Variants in ARID4B observed in about 807,000 individuals in gnomAD.
The protein encoded by ARID4B is AT-rich interactive domain-containing protein 4B.
In ARID4B, 26 loss-of-function variants were observed where a neutral mutation model predicts 147.5. The ratio of observed to expected loss-of-function variants is 0.18; its 90% CI spans 0.13 to 0.24. The LOEUF is 0.24. Ranked by LOEUF, ARID4B falls within the 10% of genes least tolerant of loss-of-function variation. The pLI, the probability that ARID4B is intolerant of heterozygous loss-of-function variation, is 1.00. For synonymous variants in ARID4B, 512 were observed against 507.9 expected (o/e 1.01, Z -0.11); for missense variants, 1,179 against 1,511.5 (o/e 0.78, Z 3.65).
In ARID4B at chr1:235,267,859, G is replaced by T. The variant is rs369881693; in HGVS notation, c.7-7107C>A. Among the ~76,000 whole-genome samples the T allele has an allele frequency of 1.4e-4, 21 of 151,756 alleles. No individual in the cohort carries two copies. The East Asian group carries it at 3.3e-3, about 24-fold the overall frequency. ...GCGGAGCTTGCAGTGAGCCGAGATCGAGTCACTGCACTCCAACCTGAGTGA... is the reference window on the plus strand; with the variant it reads ...GCGGAGCTTGCAGTGAGCCGAGATCTAGTCACTGCACTCCAACCTGAGTGA... On this transcript the variant is annotated intron_variant, in intron 2 of 23. Coordinates refer to ENST00000264183, the MANE Select transcript of ARID4B (RefSeq NM_016374.6).
intron 17 of ARID4B, among the ~76,000 whole-genome samples, chr1:235,213,527 G>C (rs1290554362): frequency 6.6e-6 from 1 of 152,142 alleles, no homozygotes; most frequent in Non-Finnish European, 1.5e-5. Context: ...TCTACATGTA[G>C]TACATAAAAA....
intron 6 of ARID4B, among the ~76,000 whole-genome samples, chr1:235,249,799 G>A (rs928687702): frequency 3.9e-5 from 6 of 152,034 alleles, no homozygotes; most frequent in Non-Finnish European, 8.8e-5. Flanking sequence ...AATTAGCTGG[G>A]CGTGGTGGCA....
intron 19 of ARID4B, among the ~76,000 whole-genome samples, chr1:235,187,812 G>C (rs560519500): frequency 6.6e-6 from 1 of 152,058 alleles, no homozygotes; most frequent in South Asian, 2.1e-4. Context: ...AAAATTCACT[G>C]AAAAAAGAAA....
intron 22 of ARID4B, among the ~76,000 whole-genome samples, chr1:235,173,801 T>TATATATATAG (rs1663627294): frequency 1.3e-5 from 1 of 75,826 alleles, no homozygotes; most frequent in Non-Finnish European, 2.5e-5. Flanking sequence ...TATATATATA[T>TATATATATAG]ATATATATAT....
chr1:235,234,373 T>C, intron 9 of ARID4B, 40 bp downstream of exon 9: 2 of 1,317,660 alleles, frequency 1.5e-6, no homozygotes, highest in Non-Finnish European at 2.2e-6. Context: ...ACAGCATATA[T>C]TTATAAACTG....
At chr1:235,248,176 C>T (rs954059514) in intron 6 of ARID4B, among the ~76,000 whole-genome samples, 36 of 152,044 alleles carry the variant, frequency 2.4e-4, no homozygotes, top group African/African-American at 8.5e-4. Context: ...CTCAGCCTCC[C>T]AAGTAGCTAG....
intron 19 of ARID4B, among the ~76,000 whole-genome samples, chr1:235,191,681 G>GTA (rs1665124513): frequency 6.6e-6 from 1 of 152,174 alleles, no homozygotes; most frequent in Non-Finnish European, 1.5e-5. Context: ...TGAAATCAGA[G>GTA]TATGACTTAG....
At chr1:235,202,019 C>A (rs919083205) in intron 17 of ARID4B, among the ~76,000 whole-genome samples, 1 of 150,086 alleles carries the variant, frequency 6.7e-6, no homozygotes, top group Non-Finnish European at 1.5e-5. Flanking sequence ...ATAATATATA[C>A]ATATATATAC....
intron 2 of ARID4B, among the ~76,000 whole-genome samples, chr1:235,286,590 G>A (rs1671990322): frequency 6.6e-6 from 1 of 152,190 alleles, no homozygotes; most frequent in Non-Finnish European, 1.5e-5. Flanking sequence ...ATTCTGATGG[G>A]TTGAAATGAG....
chr1:235,236,862 ATTTTT>A (rs869157061), intron 8 of ARID4B, among the ~76,000 whole-genome samples: 143 of 17,426 alleles, frequency 8.2e-3, no homozygotes, highest in African/African-American at 0.024. Context: ...ATATATATAT[ATTTTT>A]TTTTTTTTTT....
intron 2 of ARID4B, among the ~76,000 whole-genome samples, chr1:235,277,029 C>T (rs892143793): frequency 1.3e-5 from 2 of 150,268 alleles, no homozygotes; most frequent in Non-Finnish European, 3.0e-5. Context: ...TATGTTCTGG[C>T]AATATGCTTT....
At position 235,196,087 on chromosome 1, in the gene ARID4B, T is replaced by A; in HGVS notation, c.1870A>T (p.Ile624Leu). 3 of 1,591,712 alleles carry A rather than the reference T, an allele frequency of 1.9e-6. No individual in the cohort carries two copies. The highest frequency in any genetic ancestry group is 2.6e-6 in the Non-Finnish European group (3 of 1,166,478). Reference sequence around the variant, plus strand: ...ACATTTTTATCAGCAGGTCTTACTATTTTATCTGCTTTAATCCATTCATCG... The same window carrying A: ...ACATTTTTATCAGCAGGTCTTACTAATTTATCTGCTTTAATCCATTCATCG... Reference protein sequence around the residue: ...RYDEWIKADKIVRPADKNVPK... With the variant: ...RYDEWIKADKLVRPADKNVPK... The change falls in exon 18 of 24, where the codon ATA (isoleucine) becomes TTA (leucine). Residue 624 changes from isoleucine to leucine, a missense_variant. By Grantham distance (5) the Ile-to-Leu change is conservative (BLOSUM62 2). This residue lies in a region of ARID4B where 28 missense variants were observed against 67.6 expected (regional missense o/e 0.41). Transcript: ENST00000264183.
intron 14 of ARID4B, among the ~76,000 whole-genome samples, chr1:235,221,043 G>A (rs543141775): frequency 9.2e-5 from 14 of 152,212 alleles, no homozygotes; most frequent in African/African-American, 2.6e-4. Context: ...GACTACAGGC[G>A]TTAGCCACTA....
chr1:235,255,570 G>C (rs1669932901), intron 5 of ARID4B, 90 bp downstream of exon 5: 1 of 784,392 alleles, frequency 1.3e-6, no homozygotes, highest in East Asian at 2.8e-5. Flanking sequence ...AGGGTATTAA[G>C]AAGTGAATCC....
Position 235,319,839 on chromosome 1 carries a change from A to C in ARID4B, c.6+7075T>G, listed in dbSNP as rs12082280. Among the ~76,000 whole-genome samples the C allele has an allele frequency of 2.5e-3, 379 of 151,826 alleles. 1 individual carries two copies. Among genetic ancestry groups the C allele is most frequent in the Middle Eastern group, 0.01 (3 of 294 alleles). The stretch of plus-strand genomic sequence containing the variant: ...AAACCCCATTGCTACTAAAAACACA[A>C]AAAAAAAGGCCGGGCGAGGTGACTC... On this transcript the variant is annotated intron_variant, in intron 2 of 23. Coordinates refer to ENST00000264183, the MANE Select transcript of ARID4B (RefSeq NM_016374.6).
At chr1:235,220,653 G>T (rs2103024023) in intron 14 of ARID4B, 108 bp from the exon 15 acceptor site, 2 of 899,918 alleles carry the variant, frequency 2.2e-6, no homozygotes, top group East Asian at 3.0e-5. Flanking sequence ...CAGATATTGA[G>T]CCATATTAAC....
At chr1:235,284,912 T>A (rs1320527) in intron 2 of ARID4B, among the ~76,000 whole-genome samples, 20,102 of 87,364 alleles carry the variant, frequency 0.23, 1,561 homozygotes, top group Middle Eastern at 0.26. Flanking sequence ...ATATATATAT[T>A]TTTTTTTTGG....
At chr1:235,172,515 T>C (rs1361032001) in intron 23 of ARID4B, 103 bp downstream of exon 23, 3 of 719,544 alleles carry the variant, frequency 4.2e-6, no homozygotes, top group African/African-American at 1.9e-5. Context: ...GAGGTGGAGG[T>C]TGCAGTGAGC....
chr1:235,231,751 G>A (rs1572036441), intron 9 of ARID4B, among the ~76,000 whole-genome samples: 2 of 152,206 alleles, frequency 1.3e-5, no homozygotes. Context: ...GTCTCCCAAA[G>A]TACTGGGATT....
Sources: gnomAD v4.1 joint callset for allele counts (sites outside exome capture counted in the v4.1 genomes callset) on GRCh38, gnomAD v4.1.1 for gene constraint, gnomAD v4.1.1 regional missense constraint, MANE v1.5 for transcripts, NCBI Gene and HGNC (gene_info 2026-07-23, HGNC 2026-07-21) for gene names.